ABCB4: variants seen among roughly 807,000 people sequenced by gnomAD.
ABCB4 encodes phosphatidylcholine translocator ABCB4.
ABCB4 carries 76 observed loss-of-function variants against 145.7 expected under a neutral mutation model. That is an observed-to-expected ratio of 0.52 (90% CI 0.43 to 0.63). The LOEUF (loss-of-function observed/expected upper bound fraction) is 0.63, where lower values mean the gene tolerates loss of function less well. ABCB4 is among the 30% of genes least tolerant of loss of function. The probability of loss-of-function intolerance (pLI) is 0.00; values close to 1 mark genes in which losing one functional copy is unlikely to be tolerated. For missense variants in ABCB4, 1,234 were observed against 1,553.1 expected (o/e 0.79, Z 3.45); for synonymous variants, 517 against 566.8 (o/e 0.91, Z 1.25).
Position 87,423,983 on chromosome 7 carries a change from C to T in ABCB4, c.2134G>A (p.Val712Ile). Residue 712 changes from valine to isoleucine, a missense_variant, in exon 17 of 28, where the codon GTC becomes ATC. Physicochemically the swap from Val to Ile is conservative, Grantham distance 29 (BLOSUM62 3). Around this residue, in one of 7 missense-constraint regions of ABCB4, gnomAD observed 321 missense variants for 332.6 expected, o/e 0.97. Coordinates refer to ENST00000649586, the MANE Select transcript of ABCB4 (RefSeq NM_000443.4). ...KLNKTEWPYF[V>I]VGTVCAIANG... ...GCAATGGCACATACTGTTCCCACGA[C>T]AAAGTAGGGCCATTCTGTTTTATTC... 6.2e-7 allele frequency: 1 copy of T among 1,614,076 alleles called. No individual in the cohort carries two copies. The highest frequency in any genetic ancestry group is 8.5e-7 in the Non-Finnish European group (1 of 1,179,992).
In ABCB4 at chr7:87,401,746, C is replaced by A; in HGVS notation, c.*350G>T. The A allele has an allele frequency of 3.1e-6, 1 of 318,806 alleles. No homozygotes were observed. The highest frequency in any genetic ancestry group is 6.0e-6 in the Non-Finnish European group (1 of 165,770). 19.7% of individuals were successfully genotyped at this position (318,806 alleles called of 1,614,324 possible). On this transcript the variant is annotated 3_prime_UTR_variant, in exon 28 of 28. Coordinates refer to ENST00000649586, the MANE Select transcript of ABCB4 (RefSeq NM_000443.4). The stretch of plus-strand genomic sequence containing the variant: ...CTTTTGTACTTGGGAAAATTATTCC[C>A]AAACTTTCCTGTCTACCCAACCCAT...
At chr7:87,471,488 C>T (rs1170672405) in intron 3 of ABCB4, among the ~76,000 whole-genome samples, 1 of 151,984 alleles carries the variant, frequency 6.6e-6, no homozygotes, top group African/African-American at 2.4e-5. Flanking sequence ...CTTACTGAGG[C>T]TTTTTAAACA....
chr7:87,440,440 A>G (rs1354522686), intron 12 of ABCB4, 38 bp from the exon 13 acceptor site: 1 of 1,570,498 alleles, frequency 6.4e-7, no homozygotes, highest in Non-Finnish European at 8.7e-7. Context: ...GTATTTAACC[A>G]TTTAATAGCT....
Position 87,402,213 on chromosome 7 carries a change from T to C in ABCB4, c.3723A>G (p.Leu1241=), listed in dbSNP as rs777945766. Residue 1241 remains leucine (L), a synonymous_variant, in exon 28 of 28, where the codon TTA becomes TTG. Transcript: ENST00000649586. ...CTCTCCCATTCTGAAACACCACTAT[T>C]AAGTCTGCATTCTGGATGGTGGACA... The part of the protein sequence containing the change: ...HRLSTIQNAD[L]IVVFQNGRVK... 1 of 1,614,096 alleles carries C rather than the reference T, an allele frequency of 6.2e-7. No individual in the cohort carries two copies. The highest frequency in any genetic ancestry group is 8.5e-7 in the Non-Finnish European group (1 of 1,179,990).
chr7:87,440,521 A>G (rs1404693789), intron 12 of ABCB4, 119 bp from the exon 13 acceptor site: 2 of 849,314 alleles, frequency 2.4e-6, no homozygotes, highest in Non-Finnish European at 3.6e-6. Context: ...AGAAATAATA[A>G]TTAGAAATAA....
At chr7:87,431,902 G>A (rs1584725862) in intron 14 of ABCB4, among the ~76,000 whole-genome samples, 1 of 152,288 alleles carries the variant, frequency 6.6e-6, no homozygotes, top group East Asian at 1.9e-4. Context: ...TAAGTTATAT[G>A]GAATGCTAGA....
chr7:87,423,087 T>C (rs547680759), intron 17 of ABCB4, among the ~76,000 whole-genome samples: 3 of 152,360 alleles, frequency 2.0e-5, no homozygotes, highest in African/African-American at 7.2e-5. Context: ...GTCTTAATTG[T>C]GGATCGATGT....
Position 87,475,672 on chromosome 7 carries a change from G to C in ABCB4, c.-45C>G, listed in dbSNP as rs1813765922. On this transcript the variant is annotated 5_prime_UTR_variant, in exon 1 of 28. Transcript: ENST00000649586. ...CGTGTCTGGCAGGGCCTCTGGACGC[G>C]CGGGCGCTGCAGCAGAGGGGCCTGG... 1.6e-6 allele frequency: 1 copy of C among 606,888 alleles called. No homozygotes were observed. The highest frequency in any genetic ancestry group is 1.9e-5 in the South Asian group (1 of 52,606). The allele number at this position is 606,888 out of a possible 1,614,324, so 37.6% of individuals were successfully genotyped here.
rs771437431 is a variant in ABCB4, at chr7:87,406,363, C to A, written c.3411G>T (p.Arg1137=). 6.8e-6 allele frequency: 11 copies of A among 1,613,902 alleles called. No individual in the cohort carries two copies. The highest frequency in any genetic ancestry group is 9.3e-6 in the Non-Finnish European group (11 of 1,179,986). Residue 1137 remains arginine, a synonymous_variant, in exon 26 of 28, where the codon CGG becomes CGT. Coordinates refer to ENST00000649586, the MANE Select transcript of ABCB4 (RefSeq NM_000443.4). ...TCACAATTTCATCCTGTGATACAAC[C>A]CGGCTGTTGTCTCCATAGGCAATAT... ...AENIAYGDNS[R]VVSQDEIVSA... is the part of the protein sequence containing the mutation.
chr7:87,425,400 A>T (rs1809737347), intron 16 of ABCB4, among the ~76,000 whole-genome samples: 1 of 152,204 alleles, frequency 6.6e-6, no homozygotes, highest in South Asian at 2.1e-4. Flanking sequence ...TATAATAATG[A>T]CGCTCCAAAA....
chr7:87,451,610 A>G lies in ABCB4; in HGVS notation c.708+13T>C, dbSNP rs1282979481. ...GGGGTTAACACACATAAAAAGGCCC[A>G]GCTTTCACATACCTTTGCCCAAACG... On this transcript the variant is annotated intron_variant, in intron 7 of 27. Coordinates refer to ENST00000649586, the MANE Select transcript of ABCB4 (RefSeq NM_000443.4). 1.2e-6 allele frequency: 2 copies of G among 1,614,152 alleles called. No individual in the cohort carries two copies. The highest frequency in any genetic ancestry group is 1.7e-6 in the Non-Finnish European group (2 of 1,180,004).
At chr7:87,421,165 C>T (rs887747333) in intron 18 of ABCB4, among the ~76,000 whole-genome samples, 2 of 152,162 alleles carry the variant, frequency 1.3e-5, no homozygotes, top group Non-Finnish European at 2.9e-5. Flanking sequence ...ACTTCTGGGA[C>T]GTGTGAGTCT....
intron 22 of ABCB4, 101 bp from the exon 23 acceptor site, chr7:87,412,134 G>A: frequency 8.1e-7 from 1 of 1,241,068 alleles, no homozygotes. Flanking sequence ...GTGGGTTTAA[G>A]TTCCACCTCC....
At chr7:87,394,420 A>G in the ABCB4 span, among the ~76,000 whole-genome samples, 3 of 152,200 alleles carry the variant, frequency 2.0e-5, no homozygotes, top group African/African-American at 7.2e-5. Flanking sequence ...TGATACTGCA[A>G]GTGCTCCCAA....
chr7:87,414,023 C>T (rs1025431168), intron 21 of ABCB4, among the ~76,000 whole-genome samples: 1 of 152,230 alleles, frequency 6.6e-6, no homozygotes, highest in African/African-American at 2.4e-5. Flanking sequence ...CAGGCAGTTA[C>T]ATGACTGGCC....
downstream of ABCB4, chr7:87,399,588 G>A (rs951262246): frequency 1.3e-5 from 2 of 152,286 alleles, no homozygotes; most frequent in Admixed American, 1.3e-4. Context: ...ATTCATTGTG[G>A]TGTATTATAA....
At chr7:87,475,701 T>G, upstream of ABCB4, 1 of 477,046 alleles carries the variant, frequency 2.1e-6, no homozygotes, top group Non-Finnish European at 3.7e-6. Flanking sequence ...GGCCTGGACT[T>G]TGCTCGCCGC....
In ABCB4 at chr7:87,475,435, C is replaced by T. The variant is rs1191031623; in HGVS notation, c.31G>A (p.Ala11Thr). Residue 11 changes from alanine (A) to threonine (T), a missense_variant, in exon 2 of 28, where the codon GCC becomes ACC. Ala to Thr is a moderately conservative substitution (Grantham distance 58). Coordinates refer to ENST00000649586, the MANE Select transcript of ABCB4 (RefSeq NM_000443.4). ...CCCTCCGCGCTCGTGGGGCGCCAGG[C>T]TGTTCCGTTCTTTGCCGCCTCAAGA... MDLEAAKNGTAWRPTSAEGDF... is the reference protein window; with the variant it reads MDLEAAKNGTTWRPTSAEGDF... 3.7e-6 allele frequency: 6 copies of T among 1,614,102 alleles called. No homozygotes were observed. The highest frequency in any genetic ancestry group is 4.2e-6 in the Non-Finnish European group (5 of 1,180,038).
intron 14 of ABCB4, among the ~76,000 whole-genome samples, chr7:87,432,929 T>C (rs774652150): frequency 2.6e-4 from 39 of 151,782 alleles, no homozygotes; most frequent in Admixed American, 1.2e-3. Flanking sequence ...ATGAGAGGAG[T>C]AATGAGAAGG....
Sources: allele counts gnomAD v4.1 joint callset (sites outside exome capture counted in the v4.1 genomes callset), GRCh38; gene constraint gnomAD v4.1.1; regional missense constraint gnomAD v4.1.1; transcripts MANE v1.5; gene names NCBI Gene and HGNC (gene_info 2026-07-23, HGNC 2026-07-21).